Variants in VPS8 observed in about 807,000 individuals in gnomAD.
VPS8 encodes VPS8 subunit of CORVET complex.
In VPS8, 129 loss-of-function variants were observed where a neutral mutation model predicts 216.4. That is an observed-to-expected ratio of 0.60 (90% CI 0.52 to 0.69). The LOEUF is 0.69. Ranked by LOEUF, VPS8 falls within the 30% of genes least tolerant of loss-of-function variation. VPS8 has a pLI of 0.00. For synonymous variants in VPS8, 571 were observed against 565.4 expected, an observed-to-expected ratio of 1.01 and a Z score of -0.14; for missense variants, 1,531 against 1,683.5, an observed-to-expected ratio of 0.91 and a Z score of 1.59.
chr3:184,994,082 A>G lies in VPS8; in HGVS notation c.3666+19A>G, dbSNP rs774908680. Reference sequence around the variant, plus strand: ...TGAACAAGTAAGTAAGCTACTTGTTACATCTAAGTCTGTCCTAAGGTAGAA... The same window carrying G: ...TGAACAAGTAAGTAAGCTACTTGTTGCATCTAAGTCTGTCCTAAGGTAGAA... On this transcript the variant is annotated intron_variant, in intron 43 of 47. Transcript: ENST00000625842. 24 of 1,498,982 alleles carry G rather than the reference A, an allele frequency of 1.6e-5. No homozygotes were observed. In the South Asian group the frequency reaches 3.2e-4, roughly 20 times the overall value. The allele number at this position is 1,498,982 out of a possible 1,614,324, so 92.9% of individuals were successfully genotyped here. A position where few individuals can be genotyped will look rare whatever the true frequency, so the allele number is the denominator to read the frequency against.
chr3:184,958,068 T>G (rs1560863999), intron 37 of VPS8, among the ~76,000 whole-genome samples: 1 of 152,168 alleles, frequency 6.6e-6, no homozygotes, highest in Non-Finnish European at 1.5e-5. Flanking sequence ...CATATTTTGG[T>G]TTTGTTCAGT....
chr3:184,899,568 G>A (rs1009377149), intron 24 of VPS8, among the ~76,000 whole-genome samples: 20 of 152,112 alleles, frequency 1.3e-4, no homozygotes, highest in African/African-American at 4.6e-4. Flanking sequence ...TGGGGGTTTG[G>A]CCCTGATTGT....
chr3:184,846,170 C>G (rs2108628634), intron 8 of VPS8, among the ~76,000 whole-genome samples: 1 of 152,276 alleles, frequency 6.6e-6, no homozygotes, highest in South Asian at 2.1e-4. Context: ...GTTTCATAGT[C>G]ATGATACCTT....
At chr3:184,947,665 C>T (rs1421228018) in intron 36 of VPS8, among the ~76,000 whole-genome samples, 2 of 151,950 alleles carry the variant, frequency 1.3e-5, no homozygotes, top group Non-Finnish European at 2.9e-5. Flanking sequence ...AGTCTGTTAG[C>T]TTGTTTAATT....
At chr3:185,014,473 G>A (rs1440445724) in intron 45 of VPS8, among the ~76,000 whole-genome samples, 6 of 152,258 alleles carry the variant, frequency 3.9e-5, no homozygotes, top group East Asian at 3.9e-4. Flanking sequence ...CTGGAGAAAC[G>A]CAAGCATAAC....
At chr3:184,891,939 C>G (rs1732427315) in intron 22 of VPS8, among the ~76,000 whole-genome samples, 1 of 152,070 alleles carries the variant, frequency 6.6e-6, no homozygotes, top group African/African-American at 2.4e-5. Flanking sequence ...CGATAATGTA[C>G]AAAGTAAATT....
chr3:184,982,400 TTG>T, intron 40 of VPS8, 164 bp from the exon 41 acceptor site: 13 of 574,488 alleles, frequency 2.3e-5, no homozygotes, highest in Middle Eastern at 4.7e-4. Flanking sequence ...TTTTTTTTTT[TTG>T]CCCCAAATAT....
intron 40 of VPS8, among the ~76,000 whole-genome samples, chr3:184,973,069 A>G (rs1477360986): frequency 6.6e-6 from 1 of 152,234 alleles, no homozygotes; most frequent in Non-Finnish European, 1.5e-5. Flanking sequence ...CGTCTTTAGA[A>G]TGTAAATTGT....
At chr3:184,824,478 A>G (rs143844450) in intron 1 of VPS8, 67 bp from the exon 2 acceptor site, 88 of 798,818 alleles carry the variant, frequency 1.1e-4, no homozygotes, top group Non-Finnish European at 1.5e-4. Flanking sequence ...GGAATGTCCA[A>G]TTGACAAGGA....
At chr3:184,946,602 G>C (rs1343474329) in intron 36 of VPS8, among the ~76,000 whole-genome samples, 2 of 152,062 alleles carry the variant, frequency 1.3e-5, no homozygotes, top group Admixed American at 1.3e-4. Flanking sequence ...GGTATACAAG[G>C]CCCTTCTTGG....
chr3:184,978,201 A>G (rs1279202190), intron 40 of VPS8, among the ~76,000 whole-genome samples: 2 of 151,908 alleles, frequency 1.3e-5, no homozygotes, highest in African/African-American at 4.8e-5. Context: ...CATTTCTTCT[A>G]GGTTTTCTAG....
At chr3:184,902,723 A>G (rs1036285275) in intron 25 of VPS8, among the ~76,000 whole-genome samples, 37 of 151,556 alleles carry the variant, frequency 2.4e-4, no homozygotes, top group African/African-American at 8.7e-4. Context: ...CCAGCTACTC[A>G]GGAGGCTGAG....
intron 2 of VPS8, among the ~76,000 whole-genome samples, chr3:184,825,707 G>GGCT (rs1288411378): frequency 6.6e-6 from 1 of 152,092 alleles, no homozygotes; most frequent in African/African-American, 2.4e-5. Context: ...TCCAAGACCA[G>GGCT]CCTGGCCTTA....
At chr3:184,880,645 G>C (rs1310378148) in intron 21 of VPS8, among the ~76,000 whole-genome samples, 1 of 152,198 alleles carries the variant, frequency 6.6e-6, no homozygotes, top group Non-Finnish European at 1.5e-5. Flanking sequence ...ATATGTTGCT[G>C]TGTGAACATG....
At chr3:184,858,143 G>T (rs1316609820) in intron 14 of VPS8, among the ~76,000 whole-genome samples, 1 of 152,168 alleles carries the variant, frequency 6.6e-6, no homozygotes, top group Non-Finnish European at 1.5e-5. Context: ...GGTGTATCTT[G>T]TGCTTTATAT....
At chr3:184,936,182 C>T in intron 34 of VPS8, 64 bp from the exon 35 acceptor site, 3 of 1,416,810 alleles carry the variant, frequency 2.1e-6, no homozygotes, top group Non-Finnish European at 2.9e-6. Flanking sequence ...TCGTGCCTCA[C>T]ATCTGTGGAT....
chr3:184,842,128 A>G (rs576987325), intron 7 of VPS8, among the ~76,000 whole-genome samples: 1 of 140,116 alleles, frequency 7.1e-6, no homozygotes, highest in Admixed American at 7.7e-5. Flanking sequence ...CGGAGCTTGC[A>G]GTGAGCCGAG....
chr3:184,920,010 G>A, intron 28 of VPS8, 117 bp from the exon 29 acceptor site: 1 of 732,222 alleles, frequency 1.4e-6, no homozygotes, highest in Non-Finnish European at 2.2e-6. Context: ...AACCTAATGA[G>A]GAATAGTTAT....
intron 34 of VPS8, among the ~76,000 whole-genome samples, chr3:184,935,157 G>A (rs188114536): frequency 2.4e-4 from 36 of 151,318 alleles, no homozygotes; most frequent in Admixed American, 1.4e-3. Context: ...GCAAGACCCC[G>A]TCTCTACCAA....
Sources: gnomAD v4.1 joint callset for allele counts (sites outside exome capture counted in the v4.1 genomes callset) on GRCh38, gnomAD v4.1.1 for gene constraint, MANE v1.5 for transcripts, NCBI Gene and HGNC (gene_info 2026-07-23, HGNC 2026-07-21) for gene names.